Variants in CPT1A observed in about 807,000 individuals in gnomAD.
CPT1A encodes the protein carnitine O-palmitoyltransferase 1, liver isoform.
A neutral mutation model predicts 100.8 loss-of-function variants in CPT1A; 64 were observed. The ratio of observed to expected loss-of-function variants is 0.63; its 90% confidence interval spans 0.52 to 0.78. The LOEUF is 0.78. Among genes scored for constraint, CPT1A ranks in the 30% least tolerant of loss-of-function variants. The pLI is 0.00. For missense variants in CPT1A, 802 were observed against 1,034.1 expected, an observed-to-expected ratio of 0.78 and a Z score of 3.08; for synonymous variants, 363 against 396.0, an observed-to-expected ratio of 0.92 and a Z score of 0.99.
At chr11:68,768,594 T>C (rs1261162081) in intron 14 of CPT1A, among the ~76,000 whole-genome samples, 1 of 151,692 alleles carries the variant, frequency 6.6e-6, no homozygotes, top group Non-Finnish European at 1.5e-5. Context: ...TTAGCAGAGA[T>C]GGGGTTTTAC....
At chr11:68,803,354 G>A (rs546767754) in intron 5 of CPT1A, among the ~76,000 whole-genome samples, 8 of 152,300 alleles carry the variant, frequency 5.3e-5, no homozygotes, top group African/African-American at 1.9e-4. Context: ...TAGGTGGGGG[G>A]AGGGAAGAAT....
chr11:68,793,998 G>A (rs1278388621), intron 8 of CPT1A, among the ~76,000 whole-genome samples: 1 of 152,126 alleles, frequency 6.6e-6, no homozygotes, highest in Non-Finnish European at 1.5e-5. Context: ...ATTCCAGGAA[G>A]AAAAGTCTTG....
intron 12 of CPT1A, among the ~76,000 whole-genome samples, chr11:68,777,416 C>A (rs956996771): frequency 1.3e-5 from 2 of 152,138 alleles, no homozygotes; most frequent in Admixed American, 1.3e-4. Flanking sequence ...GGTGGCAGAG[C>A]AAGACCCTGT....
At position 68,781,906 on chromosome 11, in the gene CPT1A, T is replaced by C; in HGVS notation, c.1217A>G (p.Gln406Arg). The part of the protein sequence containing the change: ...QAYFGRGKNK[Q>R]SLDAVEKAAF... ...TGCTTTCTCCACAGCATCAAGAGAC[T>C]GCTTATTTTTCCCACGTCCAAAATA... is the stretch of plus-strand genomic sequence containing the variant. The change falls in exon 11 of 19, where the codon CAG becomes CGG. Residue 406 changes from glutamine to arginine, a missense_variant. This residue lies in a region of CPT1A where 627 missense variants were observed against 799.3 expected (regional missense o/e 0.78). Coordinates refer to ENST00000265641, the MANE Select transcript of CPT1A (RefSeq NM_001876.4). 1 of 1,614,214 alleles carries C rather than the reference T, an allele frequency of 6.2e-7. No individual in the cohort carries two copies. The highest frequency in any genetic ancestry group is 8.5e-7 in the Non-Finnish European group (1 of 1,180,034).
chr11:68,762,850 C>A lies in CPT1A; in HGVS notation c.1741-89G>T, dbSNP rs7112615. 0.93 allele frequency: 1,450,646 copies of A among 1,556,654 alleles called. 676,632 individuals carry two copies. The highest frequency in any genetic ancestry group is 0.94 in the Non-Finnish European group (1,068,923 of 1,135,860). ...GGATTGGGTAAGATTGGCAAGGAGACGTGGACTTCATTGTCAACATTTTTT... is the reference window on the plus strand; with the variant it reads ...GGATTGGGTAAGATTGGCAAGGAGAAGTGGACTTCATTGTCAACATTTTTT... On this transcript the variant is annotated intron_variant, in intron 14 of 18. Coordinates refer to ENST00000265641, the MANE Select transcript of CPT1A (RefSeq NM_001876.4).
chr11:68,825,050 C>T (rs948485746), intron 1 of CPT1A, among the ~76,000 whole-genome samples: 3 of 152,106 alleles, frequency 2.0e-5, no homozygotes, highest in African/African-American at 2.4e-5. Flanking sequence ...CTGCCCAACT[C>T]GGCCTCCCAA....
Position 68,812,611 on chromosome 11 carries a change from TC to T in CPT1A, c.142-36del, listed in dbSNP as rs532636914. 1.7e-4 allele frequency: 277 copies of T among 1,612,984 alleles called. No individual in the cohort carries two copies. In the African/African-American group the frequency reaches 3.6e-3, roughly 21 times the overall value. On this transcript the variant is annotated intron_variant, in intron 2 of 18. Coordinates refer to ENST00000265641, the MANE Select transcript of CPT1A (RefSeq NM_001876.4). ...GACACCCGGGCCGTGAGCGGTGTCC[TC>T]CCACAACCCACAGGGCAATGACGCT...
At chr11:68,796,417 G>A (rs1291527635) in intron 7 of CPT1A, among the ~76,000 whole-genome samples, 2 of 152,102 alleles carry the variant, frequency 1.3e-5, no homozygotes, top group South Asian at 2.1e-4. Context: ...TTAGCTGGGC[G>A]TGGTGGTGGG....
intron 7 of CPT1A, among the ~76,000 whole-genome samples, chr11:68,795,844 A>G (rs1436127968): frequency 6.6e-6 from 1 of 151,880 alleles, no homozygotes; most frequent in African/African-American, 2.4e-5. Flanking sequence ...CAGGAGGCAG[A>G]GGCTGCAGTG....
At chr11:68,801,276 C>T (rs566356514) in intron 5 of CPT1A, among the ~76,000 whole-genome samples, 2 of 152,282 alleles carry the variant, frequency 1.3e-5, no homozygotes, top group East Asian at 3.9e-4. Flanking sequence ...CTCACCCCAT[C>T]CTGCCAGTGG....
chr11:68,788,369 C>T (rs893597395), intron 9 of CPT1A, among the ~76,000 whole-genome samples: 3 of 152,002 alleles, frequency 2.0e-5, no homozygotes, highest in South Asian at 2.1e-4. Flanking sequence ...GAGGCCGAGG[C>T]GGGCGGATCA....
chr11:68,802,771 C>A (rs1249558255), intron 5 of CPT1A, among the ~76,000 whole-genome samples: 6 of 151,052 alleles, frequency 4.0e-5, no homozygotes, highest in Admixed American at 6.6e-5. Context: ...GTGGCATGCA[C>A]CTGTAGTCCC....
intron 1 of CPT1A, among the ~76,000 whole-genome samples, chr11:68,818,860 C>T (rs1324369490): frequency 6.6e-6 from 1 of 151,934 alleles, no homozygotes; most frequent in Non-Finnish European, 1.5e-5. Flanking sequence ...CCTATCTCAA[C>T]AACAACAACA....
intron 16 of CPT1A, 50 bp from the exon 17 acceptor site, chr11:68,760,388 C>T (rs113295927): frequency 6.9e-7 from 1 of 1,452,172 alleles, no homozygotes. Context: ...TCTACCGTCC[C>T]TCAGGAGTCG....
In CPT1A at chr11:68,766,890, T is replaced by A. The variant is rs147227052; in HGVS notation, c.1741-4129A>T. 2.7e-3 allele frequency among the ~76,000 whole-genome samples: 412 copies of A among 152,084 alleles called. 1 individual carries two copies. The highest frequency in any genetic ancestry group is 9.5e-3 in the African/African-American group (395 of 41,488). On this transcript the variant is annotated intron_variant, in intron 14 of 18. Transcript: ENST00000265641. ...ACATCACCTGCTAATATTTTGCATT[T>A]ATCCTTTCTAGACTTTGCATGTAAC...
chr11:68,842,779 C>T (rs1294779925), upstream of CPT1A, among the ~76,000 whole-genome samples: 1 of 151,928 alleles, frequency 6.6e-6, no homozygotes, highest in African/African-American at 2.4e-5. Context: ...AGGGCGAGCG[C>T]AGCTGCAGGG....
chr11:68,798,247 C>A (rs1317871639), intron 6 of CPT1A, among the ~76,000 whole-genome samples: 1 of 152,214 alleles, frequency 6.6e-6, no homozygotes, highest in African/African-American at 2.4e-5. Flanking sequence ...AACACACGTA[C>A]CTACAGAACA....
intron 7 of CPT1A, 115 bp downstream of exon 7, chr11:68,796,741 G>A: frequency 1.0e-6 from 1 of 986,680 alleles, no homozygotes; most frequent in Non-Finnish European, 1.6e-6. Context: ...AGGAGCATGA[G>A]CCAATCCCCA....
At chr11:68,839,448 C>T (rs990907246) in intron 1 of CPT1A, 3 of 939,708 alleles carry the variant, frequency 3.2e-6, no homozygotes, top group Non-Finnish European at 3.8e-6. Context: ...GCGTCCCAGG[C>T]GCTCGGATCC....
Sources: allele counts gnomAD v4.1 joint callset (sites outside exome capture counted in the v4.1 genomes callset), GRCh38; gene constraint gnomAD v4.1.1; regional missense constraint gnomAD v4.1.1; transcripts MANE v1.5; gene names NCBI Gene and HGNC (gene_info 2026-07-23, HGNC 2026-07-21).